ARHGEF17: variants seen among roughly 807,000 people sequenced by gnomAD.
ARHGEF17 encodes 164 kDa Rho-specific guanine-nucleotide exchange factor.
A neutral mutation model predicts 174.0 loss-of-function variants in ARHGEF17; 80 were observed. The observed-to-expected ratio is 0.46, with a 90% confidence interval of 0.38 to 0.55. The LOEUF is 0.55. Ranked by LOEUF, ARHGEF17 falls within the 20% of genes least tolerant of loss-of-function variation. The pLI is 0.00. For synonymous variants in ARHGEF17, 1,311 were observed against 1,189.1 expected, an observed-to-expected ratio of 1.10 and a Z score of -2.11; for missense variants, 2,886 against 2,839.7, an observed-to-expected ratio of 1.02 and a Z score of -0.37.
intron 14 of ARHGEF17, among the ~76,000 whole-genome samples, 174 bp downstream of exon 14, chr11:73,362,908 ACAGT>A (rs1011840904): frequency 6.6e-6 from 1 of 152,232 alleles, no homozygotes; most frequent in Admixed American, 6.5e-5. Context: ...GGACAGTGGG[ACAGT>A]CAGGCGGGAT....
At chr11:73,323,503 C>T (rs1196143948) in intron 1 of ARHGEF17, among the ~76,000 whole-genome samples, 1 of 152,232 alleles carries the variant, frequency 6.6e-6, no homozygotes, top group Non-Finnish European at 1.5e-5. Context: ...CCCCGCAGCC[C>T]TGGAGGCCTT....
In ARHGEF17 at chr11:73,362,662, G is replaced by C. The variant is rs980196588; in HGVS notation, c.4924G>C (p.Glu1642Gln). The stretch of plus-strand genomic sequence containing the variant: ...GCCCTTTGACAGTGACTCTGACGAT[G>C]AGTCTTCGCCCAGCCCCTCGGGGAC... ...LVPFDSDSDDESSPSPSGTLQ... is the reference protein window; with the variant it reads ...LVPFDSDSDDQSSPSPSGTLQ... The change falls in exon 14 of 21, where the codon GAG (glutamate) becomes CAG (glutamine). Residue 1642 changes from glutamate to glutamine, a missense_variant. Physicochemically the swap from Glu to Gln is conservative, Grantham distance 29. This residue lies in a region of ARHGEF17 where 476 missense variants were observed against 473.1 expected (regional missense o/e 1.01). Coordinates refer to ENST00000263674, the MANE Select transcript of ARHGEF17 (RefSeq NM_014786.4). The C allele has an allele frequency of 1.3e-5, 21 of 1,611,346 alleles. No individual in the cohort carries two copies. Among genetic ancestry groups the C allele is most frequent in the Non-Finnish European group, 1.8e-5 (21 of 1,180,024 alleles).
chr11:73,354,411 G>A (rs745944393), intron 3 of ARHGEF17, among the ~76,000 whole-genome samples: 1 of 152,164 alleles, frequency 6.6e-6, no homozygotes, highest in African/African-American at 2.4e-5. Flanking sequence ...GGGGCACTTG[G>A]CACCTTAGAG....
At chr11:73,367,548 G>A (rs1171495652) in intron 20 of ARHGEF17, 36 bp from the exon 21 acceptor site, 12 of 1,560,104 alleles carry the variant, frequency 7.7e-6, no homozygotes, top group South Asian at 1.2e-5. Context: ...GCCTCCATTC[G>A]CCCCCAAGCT....
intron 1 of ARHGEF17, among the ~76,000 whole-genome samples, chr11:73,314,054 C>T (rs1864888303): frequency 6.6e-6 from 1 of 152,222 alleles, no homozygotes; most frequent in South Asian, 2.1e-4. Context: ...CAATTTCCCA[C>T]ACCCTCATAA....
chr11:73,310,608 C>G lies in ARHGEF17; in HGVS notation c.1970C>G (p.Ala657Gly). The change falls in exon 1 of 21, where the codon GCA becomes GGA. Residue 657 changes from alanine (A) to glycine (G), a missense_variant. By Grantham distance (60) the Ala-to-Gly change is moderately conservative. Transcript: ENST00000263674. ...GGGGCAGACCCTGAGCCTCCTGTTG[C>G]AGCATTTTGCGGCCTGGGTACCACA... Reference protein sequence around the residue: ...GIGADPEPPVAAFCGLGTTGM... With the variant: ...GIGADPEPPVGAFCGLGTTGM... 1 of 1,614,166 alleles carries G rather than the reference C, an allele frequency of 6.2e-7. No individual in the cohort carries two copies. The highest frequency in any genetic ancestry group is 8.5e-7 in the Non-Finnish European group (1 of 1,180,024).
At chr11:73,337,787 C>A (rs1381020046) in intron 1 of ARHGEF17, among the ~76,000 whole-genome samples, 4 of 152,316 alleles carry the variant, frequency 2.6e-5, no homozygotes, top group Admixed American at 2.6e-4. Flanking sequence ...TGGACCATCA[C>A]CCTCACCAGT....
At chr11:73,339,605 G>A (rs1190691010) in intron 1 of ARHGEF17, among the ~76,000 whole-genome samples, 1 of 152,182 alleles carries the variant, frequency 6.6e-6, no homozygotes, top group Non-Finnish European at 1.5e-5. Context: ...CAGACTGGGT[G>A]GTGTGTCCAG....
At chr11:73,338,902 C>G (rs1388595981) in intron 1 of ARHGEF17, among the ~76,000 whole-genome samples, 1 of 152,066 alleles carries the variant, frequency 6.6e-6, no homozygotes, top group African/African-American at 2.4e-5. Flanking sequence ...TGTGGGGCTG[C>G]TGTGGGGATT....
chr11:73,310,835 T>C lies in ARHGEF17; in HGVS notation c.2197T>C (p.Ser733Pro), dbSNP rs1467766368. ...SNGEAGEAYR[S>P]LSDPIPQRHR... ...TGGGGAGGCAGGGGAGGCCTACAGG[T>C]CCCTGAGTGACCCAATTCCTCAGCG... Residue 733 changes from serine (S) to proline (P), a missense_variant, in exon 1 of 21, where the codon TCC becomes CCC. Ser to Pro is a moderately conservative substitution (Grantham distance 74). Coordinates refer to ENST00000263674, the MANE Select transcript of ARHGEF17 (RefSeq NM_014786.4). The C allele has an allele frequency of 6.2e-7, 1 of 1,611,900 alleles. No homozygotes were observed. Among genetic ancestry groups the C allele is most frequent in the South Asian group, 1.1e-5 (1 of 91,054 alleles).
rs1865879928 is a variant in ARHGEF17, at chr11:73,368,522, T to G, written c.*742T>G. ...CCATCTGGGGACCTGTCAGGCTTTG[T>G]CATTTCCCAGTTTGTTGGTGGTGCC... On this transcript the variant is annotated 3_prime_UTR_variant, in exon 21 of 21. Transcript: ENST00000263674. The G allele has an allele frequency of 6.6e-6, 1 of 152,250 alleles. No individual in the cohort carries two copies. Among genetic ancestry groups the G allele is most frequent in the Non-Finnish European group, 1.5e-5 (1 of 68,056 alleles). The allele number at this position is 152,250 out of a possible 1,614,324, so 9.4% of individuals were successfully genotyped here.
intron 18 of ARHGEF17, chr11:73,364,832 C>T: frequency 1.9e-6 from 1 of 523,222 alleles, no homozygotes; most frequent in Admixed American, 3.8e-5. Context: ...TATTCATCCT[C>T]CTGCCCACCC....
rs1449022067 is a variant in ARHGEF17 at position 73,309,175 on chromosome 11, G to A, written c.537G>A (p.Leu179=). 2 of 1,590,208 alleles carry A rather than the reference G, an allele frequency of 1.3e-6. No homozygotes were observed. Among genetic ancestry groups the A allele is most frequent in the Non-Finnish European group, 1.7e-6 (2 of 1,168,638 alleles). The change falls in exon 1 of 21, where the codon CTG becomes CTA. Residue 179 remains leucine, a synonymous_variant. Coordinates refer to ENST00000263674, the MANE Select transcript of ARHGEF17 (RefSeq NM_014786.4). ...PTPPPRTCFP[L]AGLRSARPLT... is the part of the protein sequence containing the mutation. ...CACCCCCTCGGACATGCTTCCCCCT[G>A]GCGGGTCTGCGTTCGGCGCGGCCCC...
intron 2 of ARHGEF17, among the ~76,000 whole-genome samples, chr11:73,350,176 T>C (rs1282845480): frequency 7.2e-5 from 11 of 152,210 alleles, no homozygotes; most frequent in Admixed American, 5.9e-4. Flanking sequence ...GAGGTAGATA[T>C]TATATTCTTT....
At position 73,309,973 on chromosome 11, in the gene ARHGEF17, A is replaced by T; in HGVS notation, c.1335A>T (p.Ala445=). ...RAKGPGGTSR[A]LRDGGFEPEK... ...AAGGACCTGGAGGCACCTCTAGGGC[A>T]TTGAGGGATGGAGGATTTGAGCCTG... Residue 445 remains alanine, a synonymous_variant, in exon 1 of 21, where the codon GCA becomes GCT. Transcript: ENST00000263674. 1.9e-6 allele frequency: 3 copies of T among 1,614,030 alleles called. No individual in the cohort carries two copies. The highest frequency in any genetic ancestry group is 2.5e-6 in the Non-Finnish European group (3 of 1,180,010).
At chr11:73,312,475 A>G (rs1035709070) in intron 1 of ARHGEF17, among the ~76,000 whole-genome samples, 7 of 152,158 alleles carry the variant, frequency 4.6e-5, no homozygotes, top group Admixed American at 2.6e-4. Context: ...CAGGGGAGAT[A>G]GGTGGACAAA....
At chr11:73,325,510 A>G (rs1268980292) in intron 1 of ARHGEF17, among the ~76,000 whole-genome samples, 1 of 152,160 alleles carries the variant, frequency 6.6e-6, no homozygotes, top group Non-Finnish European at 1.5e-5. Context: ...CAACACAGGC[A>G]AAGCTTGAGG....
In ARHGEF17 at chr11:73,327,953, G is replaced by T. The variant is rs1211708613; in HGVS notation, c.3192+16123G>T. Among the ~76,000 whole-genome samples the T allele has an allele frequency of 2.6e-5, 4 of 152,136 alleles. No individual in the cohort carries two copies. In the East Asian group the frequency reaches 7.7e-4, roughly 29 times the overall value. ...CGTGTTAGTACTTAGTCCCTCTGTG[G>T]CTCAGTTTATGTACCTGTAAAATGG... On this transcript the variant is annotated intron_variant, in intron 1 of 20. Coordinates refer to ENST00000263674, the MANE Select transcript of ARHGEF17 (RefSeq NM_014786.4).
chr11:73,359,140 T>C (rs920492616), intron 9 of ARHGEF17, among the ~76,000 whole-genome samples: 5 of 152,226 alleles, frequency 3.3e-5, no homozygotes, highest in African/African-American at 9.6e-5. Context: ...ATTAAATTTA[T>C]ATACACCAAT....
Sources: gnomAD v4.1 joint callset for allele counts (sites outside exome capture counted in the v4.1 genomes callset) on GRCh38, gnomAD v4.1.1 for gene constraint, gnomAD v4.1.1 regional missense constraint, MANE v1.5 for transcripts, NCBI Gene and HGNC (gene_info 2026-07-23, HGNC 2026-07-21) for gene names.